Variants in GABRR2 observed in about 807,000 individuals in gnomAD.
The protein encoded by GABRR2 is gamma-aminobutyric acid type A receptor subunit rho2.
In GABRR2, 36 loss-of-function variants were observed where a neutral mutation model predicts 47.0. The observed-to-expected ratio is 0.77, with a 90% CI of 0.59 to 1.01. The LOEUF is 1.01. GABRR2 is among the 50% of genes least tolerant of loss of function. GABRR2 has a pLI of 0.00. For synonymous variants in GABRR2, 204 were observed against 227.5 expected (o/e 0.90, Z 0.93); for missense variants, 587 against 594.6 (o/e 0.99, Z 0.13).
At chr6:89,312,738 TCTGA>T (rs1291515082) in intron 1 of GABRR2, among the ~76,000 whole-genome samples, 1 of 152,254 alleles carries the variant, frequency 6.6e-6, no homozygotes, top group Non-Finnish European at 1.5e-5. Flanking sequence ...CTGTTGACTG[TCTGA>T]CTGTGTGTGC....
intron 1 of GABRR2, among the ~76,000 whole-genome samples, chr6:89,305,098 C>A (rs1767535449): frequency 6.6e-6 from 1 of 152,254 alleles, no homozygotes; most frequent in African/African-American, 2.4e-5. Context: ...TGGCTCACAG[C>A]TGTAATCCCA....
At chr6:89,294,180 C>G (rs1220920054) in intron 2 of GABRR2, among the ~76,000 whole-genome samples, 1 of 152,088 alleles carries the variant, frequency 6.6e-6, no homozygotes, top group Non-Finnish European at 1.5e-5. Flanking sequence ...GAGTCTCACT[C>G]GTCGCCCAGG....
intron 1 of GABRR2, among the ~76,000 whole-genome samples, chr6:89,311,588 T>G (rs962713580): frequency 6.6e-6 from 1 of 152,154 alleles, no homozygotes; most frequent in Non-Finnish European, 1.5e-5. Flanking sequence ...ACCCGGCCTT[T>G]GGGTGAGGGG....
intron 2 of GABRR2, among the ~76,000 whole-genome samples, chr6:89,279,662 A>G (rs540109277): frequency 1.4e-5 from 2 of 139,764 alleles, no homozygotes; most frequent in Admixed American, 1.5e-4. Context: ...GTGAGCCACT[A>G]TGCCAGCTAC....
At chr6:89,279,286 C>T (rs1198257301) in intron 2 of GABRR2, among the ~76,000 whole-genome samples, 8 of 152,078 alleles carry the variant, frequency 5.3e-5, no homozygotes, top group Non-Finnish European at 1.0e-4. Context: ...AGGCAGGCAG[C>T]GGGGAGCCCT....
intron 2 of GABRR2, among the ~76,000 whole-genome samples, chr6:89,275,219 T>C (rs1774136642): frequency 6.6e-6 from 1 of 152,174 alleles, no homozygotes; most frequent in African/African-American, 2.4e-5. Flanking sequence ...AGCTAAGTAA[T>C]TCACACTAAC....
intron 1 of GABRR2, among the ~76,000 whole-genome samples, chr6:89,313,489 C>G (rs1267943089): frequency 6.6e-6 from 1 of 152,188 alleles, no homozygotes; most frequent in African/African-American, 2.4e-5. Context: ...ACTTGCTGGG[C>G]CGATGACATC....
intron 8 of GABRR2, among the ~76,000 whole-genome samples, chr6:89,260,770 G>T (rs561739113): frequency 1.5e-4 from 23 of 152,276 alleles, no homozygotes; most frequent in African/African-American, 5.3e-4. Flanking sequence ...TCAAACCCGG[G>T]AATCTATTTT....
chr6:89,280,532 C>T (rs1401213663), intron 2 of GABRR2, among the ~76,000 whole-genome samples: 2 of 152,058 alleles, frequency 1.3e-5, no homozygotes, highest in African/African-American at 4.8e-5. Flanking sequence ...AGATGGGTTG[C>T]CTGCCATGCC....
intron 2 of GABRR2, among the ~76,000 whole-genome samples, chr6:89,277,457 TA>T (rs1474002677): frequency 6.6e-6 from 1 of 152,114 alleles, no homozygotes; most frequent in Non-Finnish European, 1.5e-5. Context: ...AATATATAAA[TA>T]ACTCCTAAGA....
chr6:89,299,616 G>C, intron 2 of GABRR2, 143 bp downstream of exon 2: 1 of 611,762 alleles, frequency 1.6e-6, no homozygotes, highest in South Asian at 2.0e-5. Context: ...GAAAATTAGG[G>C]ACTCAGGAAA....
intron 3 of GABRR2, 89 bp from the exon 4 acceptor site, chr6:89,269,323 T>C: frequency 1.0e-6 from 1 of 974,054 alleles, no homozygotes; most frequent in Non-Finnish European, 1.6e-6. Flanking sequence ...GTGGTGAACA[T>C]CTCAGGCTCA....
rs1280301122 is a variant in GABRR2, at chr6:89,265,744, A to T, written c.758T>A (p.Ile253Asn). 6 of 1,614,148 alleles carry T rather than the reference A, an allele frequency of 3.7e-6. No individual in the cohort carries two copies. Among genetic ancestry groups the T allele is most frequent in the Non-Finnish European group, 5.1e-6 (6 of 1,180,014 alleles). Residue 253 changes from isoleucine to asparagine, a missense_variant, in exon 7 of 9, where the codon ATT (isoleucine) becomes AAT (asparagine). Physicochemically the swap from Ile to Asn is moderately radical, Grantham distance 149. Transcript: ENST00000402938. ...GATGTGGCGACGCAACGTGAAGTTA[A>T]TGTACAGACGGTTGTACCAGCCTAG... is the stretch of plus-strand genomic sequence containing the variant. The part of the protein sequence containing the change: ...SSTGWYNRLY[I>N]NFTLRRHIFF...
intron 2 of GABRR2, among the ~76,000 whole-genome samples, chr6:89,292,056 G>A (rs1050305756): frequency 6.6e-5 from 10 of 152,002 alleles, no homozygotes; most frequent in Admixed American, 1.3e-4. Flanking sequence ...CTACTGGGTC[G>A]CTAGGGCCAA....
At chr6:89,291,006 G>A (rs1389028743) in intron 2 of GABRR2, among the ~76,000 whole-genome samples, 1 of 152,116 alleles carries the variant, frequency 6.6e-6, no homozygotes, top group Non-Finnish European at 1.5e-5. Flanking sequence ...ACTTTCACTA[G>A]GCTCTCTTCA....
intron 2 of GABRR2, among the ~76,000 whole-genome samples, chr6:89,284,705 G>A (rs79103927): frequency 0.037 from 5,649 of 152,308 alleles, 360 homozygotes; most frequent in African/African-American, 0.13. Context: ...CCCTGCTGAC[G>A]CCTTGCTTCT....
At chr6:89,270,412 C>G (rs1295080463) in intron 3 of GABRR2, 1 of 152,216 alleles carries the variant, frequency 6.6e-6, no homozygotes, top group Admixed American at 6.5e-5. Context: ...CTGAGCCACA[C>G]AGGACAAAGT....
At chr6:89,270,721 A>T (rs1774031845) in intron 3 of GABRR2, among the ~76,000 whole-genome samples, 1 of 152,144 alleles carries the variant, frequency 6.6e-6, no homozygotes, top group African/African-American at 2.4e-5. Flanking sequence ...CAGCATTGCA[A>T]GTGGGATGCA....
chr6:89,264,996 T>C (rs541680598), intron 7 of GABRR2, among the ~76,000 whole-genome samples: 84 of 152,242 alleles, frequency 5.5e-4, no homozygotes, highest in African/African-American at 1.9e-3. Flanking sequence ...TTCAGAGGTG[T>C]GCTTTAGTCG....
Sources: allele counts gnomAD v4.1 joint callset (sites outside exome capture counted in the v4.1 genomes callset), GRCh38; gene constraint gnomAD v4.1.1; transcripts MANE v1.5; gene names NCBI Gene and HGNC (gene_info 2026-07-23, HGNC 2026-07-21).